NPR3: variants seen among roughly 807,000 people sequenced by gnomAD.
NPR3 encodes the protein atrial natriuretic peptide receptor 3.
In NPR3, 34 loss-of-function variants were observed where a neutral mutation model predicts 54.5. The observed-to-expected ratio is 0.62, with a 90% CI of 0.47 to 0.83. The LOEUF (loss-of-function observed/expected upper bound fraction) is 0.83. Ranked by LOEUF, NPR3 falls within the 40% of genes least tolerant of loss-of-function variation. NPR3 has a pLI of 0.00. For synonymous variants in NPR3, 289 were observed against 297.1 expected (o/e 0.97, Z 0.28); for missense variants, 674 against 720.8 (o/e 0.94, Z 0.74).
At position 32,789,558 on chromosome 5, in the gene NPR3, C is replaced by A. The variant is rs1427556990; in HGVS notation, c.*3213C>A. ...GAGAGAAATGCATGGGAAAAGAACACCTCCTTTTCTCCTTTCTCTTAAATT... is the reference window on the plus strand; with the variant it reads ...GAGAGAAATGCATGGGAAAAGAACAACTCCTTTTCTCCTTTCTCTTAAATT... On this transcript the variant is annotated 3_prime_UTR_variant, in exon 8 of 8. Coordinates refer to ENST00000265074, the MANE Select transcript of NPR3 (RefSeq NM_001204375.2). The A allele has an allele frequency of 1.9e-6, 1 of 534,650 alleles. No individual in the cohort carries two copies. Among genetic ancestry groups the A allele is most frequent in the African/African-American group, 1.9e-5 (1 of 52,038 alleles). 33.1% of individuals were successfully genotyped at this position (534,650 alleles called of 1,614,324 possible). A position where few individuals can be genotyped will look rare whatever the true frequency, so the allele number is the denominator to read the frequency against.
chr5:32,742,447 C>T (rs1367613194), intron 3 of NPR3, among the ~76,000 whole-genome samples: 3 of 151,496 alleles, frequency 2.0e-5, no homozygotes, highest in African/African-American at 7.3e-5. Flanking sequence ...CATATCAAGA[C>T]CTCACCTCTA....
intron 3 of NPR3, among the ~76,000 whole-genome samples, chr5:32,749,801 A>G (rs191725590): frequency 6.6e-6 from 1 of 152,320 alleles, no homozygotes; most frequent in East Asian, 1.9e-4. Context: ...TCTTGGCTTC[A>G]ACATCTTCAG....
intron 1 of NPR3, among the ~76,000 whole-genome samples, chr5:32,714,724 C>T (rs1285639059): frequency 1.3e-5 from 2 of 152,202 alleles, no homozygotes; most frequent in Non-Finnish European, 2.9e-5. Context: ...ATTCCTTACA[C>T]TCGAGAGAAA....
chr5:32,764,649 G>A (rs951791552), intron 3 of NPR3, among the ~76,000 whole-genome samples: 2 of 151,688 alleles, frequency 1.3e-5, no homozygotes, highest in Admixed American at 6.6e-5. Flanking sequence ...TTAGCCGGGC[G>A]TGGTGGCGGG....
chr5:32,716,996 A>G (rs1269930339), intron 1 of NPR3, among the ~76,000 whole-genome samples: 1 of 109,670 alleles, frequency 9.1e-6, no homozygotes, highest in African/African-American at 3.7e-5. Context: ...CCATCCCCCA[A>G]CCCCCCCACC....
intron 2 of NPR3, among the ~76,000 whole-genome samples, chr5:32,730,512 T>G (rs934811063): frequency 1.5e-4 from 23 of 152,180 alleles, no homozygotes; most frequent in African/African-American, 5.1e-4. Context: ...AAGCATACAG[T>G]TTGGAAAAGA....
At chr5:32,740,819 C>T (rs1239714222) in intron 3 of NPR3, among the ~76,000 whole-genome samples, 3 of 151,998 alleles carry the variant, frequency 2.0e-5, no homozygotes, top group Non-Finnish European at 4.4e-5. Context: ...TAGTGGCTAC[C>T]GTATTGGACA....
At chr5:32,721,488 C>T (rs11750213) in intron 1 of NPR3, among the ~76,000 whole-genome samples, 4 of 151,952 alleles carry the variant, frequency 2.6e-5, no homozygotes, top group East Asian at 1.9e-4. Flanking sequence ...ACAAAAAGAA[C>T]GAAAATTAGC....
chr5:32,758,641 G>C (rs112510391), intron 3 of NPR3, among the ~76,000 whole-genome samples: 4 of 151,962 alleles, frequency 2.6e-5, no homozygotes, highest in African/African-American at 7.3e-5. Flanking sequence ...CTTGCCTTCT[G>C]CTAGCTTTTG....
At chr5:32,707,362 G>A (rs1302794822), upstream of NPR3, among the ~76,000 whole-genome samples, 1 of 151,926 alleles carries the variant, frequency 6.6e-6, no homozygotes, top group East Asian at 1.9e-4. Flanking sequence ...TTATATAATA[G>A]AAGAAAAAGA....
rs548710201 is a variant in NPR3, at chr5:32,694,712, A to T, written c.100+5526A>T. 8.5e-5 allele frequency among the ~76,000 whole-genome samples: 13 copies of T among 152,324 alleles called. No individual in the cohort carries two copies. The South Asian group carries it at 2.7e-3, about 32-fold the overall frequency. Reference sequence around the variant, plus strand: ...TTGTTTTATTACACACAATCCAATTATACTGTTTTAGTTATTTTAAAATGT... The same window carrying T: ...TTGTTTTATTACACACAATCCAATTTTACTGTTTTAGTTATTTTAAAATGT... On this transcript the variant is annotated intron_variant, in intron 1 of 5. Coordinates refer to the NPR3 transcript ENST00000509104.
intron 1 of NPR3, among the ~76,000 whole-genome samples, chr5:32,691,346 G>A (rs1291395025): frequency 6.6e-6 from 1 of 152,182 alleles, no homozygotes; most frequent in African/African-American, 2.4e-5. Context: ...GCACAATACT[G>A]GGATTTTACT....
chr5:32,705,314 A>T (rs568118827), upstream of NPR3, among the ~76,000 whole-genome samples: 26 of 152,364 alleles, frequency 1.7e-4, no homozygotes, highest in Admixed American at 3.3e-4. Context: ...GAAAAAACAA[A>T]CTAACCAACC....
In NPR3 at chr5:32,788,640, A is replaced by G. The variant is rs1015277521; in HGVS notation, c.*2295A>G. On this transcript the variant is annotated 3_prime_UTR_variant, in exon 8 of 8. Transcript: ENST00000265074. The stretch of plus-strand genomic sequence containing the variant: ...AAAACTTCTATAGCAGCCCATTAAC[A>G]CTAACATTTTTAGAGCAAATATATT... 4 of 152,178 alleles carry G rather than the reference A, an allele frequency of 2.6e-5. No homozygotes were observed. The highest frequency in any genetic ancestry group is 1.3e-4 in the Admixed American group (2 of 15,268). 9.4% of individuals were successfully genotyped at this position (152,178 alleles called of 1,614,324 possible). A position where few individuals can be genotyped will look rare whatever the true frequency, so the allele number is the denominator to read the frequency against.
At chr5:32,721,752 C>T (rs1738876778) in intron 1 of NPR3, among the ~76,000 whole-genome samples, 1 of 152,160 alleles carries the variant, frequency 6.6e-6, no homozygotes, top group African/African-American at 2.4e-5. Flanking sequence ...TTTTCTGTTG[C>T]TATGACAAAA....
chr5:32,743,987 A>ATCTTTTTTTTTT (rs1425701544), intron 3 of NPR3, among the ~76,000 whole-genome samples: 4 of 113,836 alleles, frequency 3.5e-5, no homozygotes, highest in Non-Finnish European at 3.5e-5. Context: ...ATTCTGATGC[A>ATCTTTTTTTTTT]TTTTTTTTTT....
chr5:32,693,792 G>A (rs952804985), intron 1 of NPR3, among the ~76,000 whole-genome samples: 32 of 152,160 alleles, frequency 2.1e-4, no homozygotes, highest in African/African-American at 7.2e-4. Flanking sequence ...CCCTGGGCCG[G>A]ACATTTTTAT....
At chr5:32,768,010 G>C (rs971217830) in intron 3 of NPR3, among the ~76,000 whole-genome samples, 1 of 152,156 alleles carries the variant, frequency 6.6e-6, no homozygotes, top group African/African-American at 2.4e-5. Context: ...CTTCCTGTTT[G>C]TATTGCTGCC....
At chr5:32,758,265 T>A (rs1740957139) in intron 3 of NPR3, among the ~76,000 whole-genome samples, 1 of 152,238 alleles carries the variant, frequency 6.6e-6, no homozygotes, top group East Asian at 1.9e-4. Flanking sequence ...TATTAATTAT[T>A]GCCTCAATTT....
Sources: allele counts gnomAD v4.1 joint callset (sites outside exome capture counted in the v4.1 genomes callset), GRCh38; gene constraint gnomAD v4.1.1; transcripts MANE v1.5; gene names NCBI Gene and HGNC (gene_info 2026-07-23, HGNC 2026-07-21).